The following CCDC167 variants were observed in gnomAD, a reference collection of about 807,000 sequenced individuals.
CCDC167 encodes coiled-coil domain-containing protein 167.
A neutral mutation model predicts 12.7 loss-of-function variants in CCDC167; 15 were observed. That is an observed-to-expected ratio of 1.18 (90% CI 0.79 to 1.81). The LOEUF (loss-of-function observed/expected upper bound fraction) is 1.81, where lower values mean the gene tolerates loss of function less well. CCDC167 is among the 40% of genes most tolerant of loss of function. The probability of loss-of-function intolerance (pLI) is 0.00; values close to 1 mark genes in which losing one functional copy is unlikely to be tolerated. For missense variants in CCDC167, 121 were observed against 120.1 expected (o/e 1.01, Z -0.03); for synonymous variants, 52 against 49.0 (o/e 1.06, Z -0.26).
chr6:37,496,272 A>C lies in CCDC167; in HGVS notation c.42+3550T>G, dbSNP rs192419515. On this transcript the variant is annotated intron_variant, in intron 1 of 3. Transcript: ENST00000373408. ...ACATGGTGAAACCCCGTCTCTACTA[A>C]AAATACAAAACTTAGCTGGGCATGG... Among the ~76,000 whole-genome samples, 259 of 152,096 alleles carry C rather than the reference A, an allele frequency of 1.7e-3. 3 individuals are homozygous for C. Among genetic ancestry groups the C allele is most frequent in the South Asian group, 0.011 (52 of 4,810 alleles).
chr6:37,499,721 A>G, intron 1 of CCDC167, 101 bp downstream of exon 1: 4 of 1,330,082 alleles, frequency 3.0e-6, no homozygotes, highest in Non-Finnish European at 4.3e-6. Context: ...CTCTCATCCT[A>G]CGCTTGGCTC....
intron 1 of CCDC167, among the ~76,000 whole-genome samples, chr6:37,490,620 T>C (rs1561798879): frequency 6.6e-6 from 1 of 151,968 alleles, no homozygotes; most frequent in Non-Finnish European, 1.5e-5. Context: ...AGGAGACCCA[T>C]GAGACCAAAG....
intron 1 of CCDC167, among the ~76,000 whole-genome samples, chr6:37,489,188 A>G (rs1443186855): frequency 1.3e-5 from 2 of 152,042 alleles, no homozygotes; most frequent in Admixed American, 6.5e-5. Flanking sequence ...GTGAGCCGAG[A>G]TGGCACCACT....
chr6:37,486,308 C>T (rs1294957758), intron 1 of CCDC167, among the ~76,000 whole-genome samples: 2 of 152,232 alleles, frequency 1.3e-5, no homozygotes, highest in Non-Finnish European at 2.9e-5. Flanking sequence ...CCTTATCAGT[C>T]TCAGCCAGTT....
chr6:37,484,596 C>T (rs565948148), intron 3 of CCDC167, among the ~76,000 whole-genome samples: 4 of 152,340 alleles, frequency 2.6e-5, no homozygotes, highest in South Asian at 4.1e-4. Context: ...CAGACAGACC[C>T]ACAGGCGGTC....
intron 1 of CCDC167, among the ~76,000 whole-genome samples, chr6:37,486,447 T>C (rs1376945556): frequency 6.6e-6 from 1 of 151,778 alleles, no homozygotes; most frequent in African/African-American, 2.4e-5. Flanking sequence ...GTCAGGAGAG[T>C]TGCATTCCAA....
In CCDC167 at chr6:37,494,805, A is replaced by ATTTTTT. The variant is rs201478338; in HGVS notation, c.42+5011_42+5016dup. Reference sequence around the variant, plus strand: ...AATGCCAGTAGCCACCTACCTACAAATTTTTTTTTTTTTTTTGAGACGGGG... The same window carrying ATTTTTT: ...AATGCCAGTAGCCACCTACCTACAAATTTTTTTTTTTTTTTTTTTTTTGAGACGGGG... On this transcript the variant is annotated intron_variant, in intron 1 of 3. Transcript: ENST00000373408. Among the ~76,000 whole-genome samples, 272 of 115,198 alleles carry ATTTTTT rather than the reference A, an allele frequency of 2.4e-3. 19 individuals carry two copies. The highest frequency in any genetic ancestry group is 5.7e-3 in the Middle Eastern group (1 of 176). The allele number at this position is 115,198 out of a possible 152,430, so 75.6% of individuals were successfully genotyped here.
intron 3 of CCDC167, among the ~76,000 whole-genome samples, chr6:37,483,556 T>C (rs1761898697): frequency 6.6e-6 from 1 of 152,198 alleles, no homozygotes; most frequent in Admixed American, 6.5e-5. Flanking sequence ...GTGAGGTGGG[T>C]GAGGAGTCAC....
intron 3 of CCDC167, among the ~76,000 whole-genome samples, chr6:37,484,349 C>T (rs77916074): frequency 0.015 from 2,359 of 152,346 alleles, 57 homozygotes; most frequent in African/African-American, 0.054. Flanking sequence ...CCTCTACCTG[C>T]CTCTGCCCCC....
intron 1 of CCDC167, among the ~76,000 whole-genome samples, chr6:37,491,548 A>C (rs1762022692): frequency 6.6e-6 from 1 of 152,188 alleles, no homozygotes; most frequent in Non-Finnish European, 1.5e-5. Context: ...CATACACTGC[A>C]CCTGGCTGGA....
chr6:37,483,356 CCAA>C lies in CCDC167; in HGVS notation c.191-70_191-68del, dbSNP rs1285235353. 53 of 1,056,512 alleles carry C rather than the reference CCAA, an allele frequency of 5.0e-5. No individual in the cohort carries two copies. In the Middle Eastern group the frequency reaches 6.0e-4, roughly 12 times the overall value. 65.4% of individuals were successfully genotyped at this position (1,056,512 alleles called of 1,614,324 possible). On this transcript the variant is annotated intron_variant, in intron 3 of 3. Coordinates refer to ENST00000373408, the MANE Select transcript of CCDC167 (RefSeq NM_138493.3). ...GGCCCGTCTGTTCTGCTCTGCCTCT[CCAA>C]CGAGTGGGTACACACTGCTGAGGGC...
intron 1 of CCDC167, among the ~76,000 whole-genome samples, chr6:37,487,784 G>A (rs1191222462): frequency 1.3e-5 from 2 of 152,252 alleles, no homozygotes; most frequent in Non-Finnish European, 1.5e-5. Flanking sequence ...AGCCTGCGGA[G>A]CTGGCAGTCG....
intron 1 of CCDC167, among the ~76,000 whole-genome samples, chr6:37,496,854 G>A (rs770283085): frequency 3.0e-4 from 46 of 152,226 alleles, no homozygotes; most frequent in Non-Finnish European, 5.9e-4. Flanking sequence ...CTGATCCCTT[G>A]CAGTCAGGTG....
chr6:37,495,746 CTG>C (rs954465652), intron 1 of CCDC167, among the ~76,000 whole-genome samples: 3 of 152,194 alleles, frequency 2.0e-5, no homozygotes, highest in Non-Finnish European at 4.4e-5. Context: ...CAAGTGGAGA[CTG>C]TTTGCAGGTG....
chr6:37,499,282 CCAATTCCAGAA>C (rs1762136062), intron 1 of CCDC167, among the ~76,000 whole-genome samples: 1 of 152,216 alleles, frequency 6.6e-6, no homozygotes. Context: ...AGTGACATCA[CCAATTCCAGAA>C]TTCTCTTTAC....
intron 1 of CCDC167, among the ~76,000 whole-genome samples, chr6:37,496,196 G>A (rs1418556292): frequency 6.6e-6 from 1 of 152,172 alleles, no homozygotes; most frequent in Non-Finnish European, 1.5e-5. Flanking sequence ...CACTTTGGGA[G>A]GCCGAGGCGG....
intron 1 of CCDC167, among the ~76,000 whole-genome samples, chr6:37,488,424 ATG>A (rs1761973697): frequency 6.6e-6 from 1 of 152,238 alleles, no homozygotes; most frequent in Non-Finnish European, 1.5e-5. Flanking sequence ...CCCGAGGCAA[ATG>A]TGCAGTCGTT....
intron 1 of CCDC167, among the ~76,000 whole-genome samples, chr6:37,493,006 C>G (rs1762043587): frequency 6.6e-6 from 1 of 152,202 alleles, no homozygotes; most frequent in Non-Finnish European, 1.5e-5. Flanking sequence ...CATGGCTCCC[C>G]ACATCAACAG....
intron 1 of CCDC167, among the ~76,000 whole-genome samples, chr6:37,487,775 G>A (rs1761966610): frequency 1.3e-5 from 2 of 152,380 alleles, no homozygotes; most frequent in Middle Eastern, 3.4e-3. Context: ...TCTGGGCAGA[G>A]CCTGCGGAGC....
Sources: allele counts gnomAD v4.1 joint callset (sites outside exome capture counted in the v4.1 genomes callset), GRCh38; gene constraint gnomAD v4.1.1; transcripts MANE v1.5; gene names NCBI Gene and HGNC (gene_info 2026-07-23, HGNC 2026-07-21).